Variants in PTPRR observed in about 807,000 individuals in gnomAD.
The protein encoded by PTPRR is protein tyrosine phosphatase receptor type R.
A neutral mutation model predicts 77.2 loss-of-function variants in PTPRR; 38 were observed. The observed-to-expected ratio is 0.49, with a 90% CI of 0.38 to 0.65. The LOEUF is 0.65. PTPRR is among the 30% of genes least tolerant of loss of function. PTPRR has a pLI of 0.00. For missense variants in PTPRR, 744 were observed against 799.2 expected (o/e 0.93, Z 0.83); for synonymous variants, 299 against 283.1 (o/e 1.06, Z -0.57).
intron 2 of PTPRR, among the ~76,000 whole-genome samples, chr12:70,874,895 C>T (rs965441713): frequency 7.2e-6 from 1 of 138,960 alleles, no homozygotes; most frequent in Non-Finnish European, 1.5e-5. Context: ...GCACTCCAGC[C>T]CAGTGACAGA....
chr12:70,919,852 G>GT (rs1893829054), intron 1 of PTPRR, among the ~76,000 whole-genome samples: 1 of 152,080 alleles, frequency 6.6e-6, no homozygotes, highest in Non-Finnish European at 1.5e-5. Flanking sequence ...TGTGAACCAT[G>GT]TATTTCGATC....
At chr12:70,754,439 G>A (rs1357083973) in intron 4 of PTPRR, 138 bp from the exon 5 acceptor site, 5 of 1,565,598 alleles carry the variant, frequency 3.2e-6, no homozygotes, top group Non-Finnish European at 3.4e-6. Flanking sequence ...TGCCAGAGCT[G>A]CTTCTCAAAC....
At position 70,797,459 on chromosome 12, in the gene PTPRR, A is replaced by G. The variant is rs902975591; in HGVS notation, c.358-32681T>C. Among the ~76,000 whole-genome samples, 3 of 152,140 alleles carry G rather than the reference A, an allele frequency of 2.0e-5. No individual in the cohort carries two copies. In the South Asian group the frequency reaches 6.2e-4, roughly 32 times the overall value. On this transcript the variant is annotated intron_variant, in intron 2 of 13. Transcript: ENST00000283228. ...TACCTTGAAAATTAAACCTTCATAG[A>G]TTCCACATCTCTCTCTACCCATTGG... is the stretch of plus-strand genomic sequence containing the variant.
At chr12:70,685,448 T>C (rs1887827053) in intron 8 of PTPRR, among the ~76,000 whole-genome samples, 1 of 114,912 alleles carries the variant, frequency 8.7e-6, no homozygotes, top group Non-Finnish European at 1.6e-5. Context: ...GCTTCAAGCC[T>C]AGGCAACATA....
intron 10 of PTPRR, among the ~76,000 whole-genome samples, chr12:70,682,125 G>A (rs1326419835): frequency 7.7e-6 from 1 of 130,262 alleles, no homozygotes; most frequent in Non-Finnish European, 1.6e-5. Flanking sequence ...CTCACTGCAA[G>A]CTCCGCCTCC....
chr12:70,653,466 C>T lies in PTPRR; in HGVS notation c.1880+3238G>A, dbSNP rs191943199. On this transcript the variant is annotated intron_variant, in intron 13 of 13. Coordinates refer to ENST00000283228, the MANE Select transcript of PTPRR (RefSeq NM_002849.4). ...CATGTGGGGTGTGGTAAGAGGGAAGCAGGATTGGGGGGTAAAGAGAGGATA... is the reference window on the plus strand; with the variant it reads ...CATGTGGGGTGTGGTAAGAGGGAAGTAGGATTGGGGGGTAAAGAGAGGATA... Among the ~76,000 whole-genome samples the T allele has an allele frequency of 1.3e-4, 20 of 152,188 alleles. No homozygotes were observed. In the East Asian group the frequency reaches 3.3e-3, roughly 25 times the overall value.
intron 2 of PTPRR, among the ~76,000 whole-genome samples, chr12:70,826,282 A>G (rs1418810360): frequency 6.6e-6 from 1 of 152,108 alleles, no homozygotes; most frequent in Non-Finnish European, 1.5e-5. Flanking sequence ...TGTGGAGAGA[A>G]GCAGTGAGGT....
rs555925441 is a variant in PTPRR at position 70,723,150 on chromosome 12, AG to A, written c.1008-21828del. 1.0e-3 allele frequency among the ~76,000 whole-genome samples: 152 copies of A among 152,318 alleles called. 1 individual carries two copies. The highest frequency in any genetic ancestry group is 3.3e-3 in the African/African-American group (139 of 41,578). On this transcript the variant is annotated intron_variant, in intron 6 of 13. Transcript: ENST00000283228. ...AAGCACAATCAACATCTGACCAACC[AG>A]GGTTTCCTGTCACCTTGGGAACAAA...
At chr12:70,640,565 T>A (rs1219734309) in intron 13 of PTPRR, among the ~76,000 whole-genome samples, 1 of 152,250 alleles carries the variant, frequency 6.6e-6, no homozygotes, top group Admixed American at 6.5e-5. Flanking sequence ...GGTAACTATT[T>A]AAAGTCTTGT....
At chr12:70,820,789 T>C (rs189636120) in intron 2 of PTPRR, among the ~76,000 whole-genome samples, 108 of 152,290 alleles carry the variant, frequency 7.1e-4, no homozygotes, top group African/African-American at 2.5e-3. Context: ...TACCTTTGAG[T>C]CCTTAGCCTG....
chr12:70,731,182 A>T (rs988352371), intron 6 of PTPRR, among the ~76,000 whole-genome samples: 2 of 152,158 alleles, frequency 1.3e-5, no homozygotes, highest in African/African-American at 4.8e-5. Flanking sequence ...AGTGAAATAA[A>T]CAACTCTCTT....
intron 6 of PTPRR, among the ~76,000 whole-genome samples, chr12:70,707,357 C>A (rs1447161257): frequency 2.6e-5 from 4 of 151,850 alleles, no homozygotes. Flanking sequence ...TCAATATATT[C>A]TTTTATGATT....
At chr12:70,823,064 TTCTC>T (rs376433620) in intron 2 of PTPRR, among the ~76,000 whole-genome samples, 203 of 148,976 alleles carry the variant, frequency 1.4e-3, no homozygotes, top group African/African-American at 4.6e-3. Context: ...CAACACAAAG[TTCTC>T]TCTCTCTCTT....
chr12:70,647,311 A>G (rs1440518436), intron 13 of PTPRR, among the ~76,000 whole-genome samples: 3 of 152,256 alleles, frequency 2.0e-5, no homozygotes, highest in Non-Finnish European at 2.9e-5. Context: ...GGAAAAAGTT[A>G]TCTGAGGTCA....
rs1400674088 is a variant in PTPRR at position 70,869,471 on chromosome 12, G to A, written c.357+23208C>T. Among the ~76,000 whole-genome samples, 3 of 152,234 alleles carry A rather than the reference G, an allele frequency of 2.0e-5. No individual in the cohort carries two copies. The East Asian group carries it at 5.8e-4, about 29-fold the overall frequency. On this transcript the variant is annotated intron_variant, in intron 2 of 13. Transcript: ENST00000283228. ...CTATTATCCATGGAGAAATCAACAG[G>A]GTTAGCAACTGTGGTAGACTGAATA... is the stretch of plus-strand genomic sequence containing the variant.
At chr12:70,879,765 A>G (rs1181460307) in intron 2 of PTPRR, among the ~76,000 whole-genome samples, 1 of 152,310 alleles carries the variant, frequency 6.6e-6, no homozygotes, top group East Asian at 1.9e-4. Flanking sequence ...TGGCGTAGTG[A>G]CTGTTTAGAC....
chr12:70,769,272 G>A (rs1481370768), intron 2 of PTPRR, among the ~76,000 whole-genome samples: 9 of 150,864 alleles, frequency 6.0e-5, no homozygotes, highest in Non-Finnish European at 8.8e-5. Flanking sequence ...CATTGTCTCA[G>A]CCCAAAATCT....
chr12:70,708,300 T>A (rs996957296), intron 6 of PTPRR, among the ~76,000 whole-genome samples: 1 of 152,132 alleles, frequency 6.6e-6, no homozygotes, highest in African/African-American at 2.4e-5. Context: ...GGATGCTATA[T>A]GTAATTACTG....
At chr12:70,855,734 A>G (rs1023012643) in intron 2 of PTPRR, among the ~76,000 whole-genome samples, 5 of 152,210 alleles carry the variant, frequency 3.3e-5, no homozygotes, top group Admixed American at 2.0e-4. Context: ...AACTGTTCAG[A>G]AACTTTAGCA....
Sources: gnomAD v4.1 joint callset for allele counts (sites outside exome capture counted in the v4.1 genomes callset) on GRCh38, gnomAD v4.1.1 for gene constraint, MANE v1.5 for transcripts, NCBI Gene and HGNC (gene_info 2026-07-23, HGNC 2026-07-21) for gene names.